Variants in NGLY1 observed in about 807,000 individuals in gnomAD.
NGLY1 encodes the protein N-glycanase 1.
NGLY1 carries 68 observed loss-of-function variants against 84.6 expected under a neutral mutation model. That is an observed-to-expected ratio of 0.80 (90% CI 0.66 to 0.98). The LOEUF is 0.98. NGLY1 is among the 50% of genes least tolerant of loss of function. The probability of loss-of-function intolerance (pLI) is 0.00; values close to 1 mark genes in which losing one functional copy is unlikely to be tolerated. For missense variants in NGLY1, 779 were observed against 770.2 expected, an observed-to-expected ratio of 1.01 and a Z score of -0.14; for synonymous variants, 280 against 275.2, an observed-to-expected ratio of 1.02 and a Z score of -0.17.
At chr3:25,739,270 A>G (rs1307769199) in intron 5 of NGLY1, among the ~76,000 whole-genome samples, 1 of 152,216 alleles carries the variant, frequency 6.6e-6, no homozygotes, top group African/African-American at 2.4e-5. Context: ...AATTTCCTAT[A>G]AAAGACAGAT....
chr3:25,736,542 A>G (rs775932701), intron 6 of NGLY1: 2 of 590,162 alleles, frequency 3.4e-6, no homozygotes, highest in Non-Finnish European at 6.0e-6. Flanking sequence ...GTCTAATAGA[A>G]TCTCTGGTCA....
At chr3:25,769,332 G>A (rs1327803619) in intron 2 of NGLY1, among the ~76,000 whole-genome samples, 1 of 152,126 alleles carries the variant, frequency 6.6e-6, no homozygotes, top group Non-Finnish European at 1.5e-5. Context: ...CTAGACTCCA[G>A]CCTGGGCAAC....
intron 9 of NGLY1, chr3:25,730,119 T>A (rs1705467211): frequency 6.6e-6 from 1 of 152,102 alleles, no homozygotes; most frequent in Admixed American, 6.6e-5. Context: ...AAGCTTGTAT[T>A]TTAACCTTAA....
chr3:25,750,995 C>T, intron 4 of NGLY1, 103 bp downstream of exon 4: 1 of 1,109,202 alleles, frequency 9.0e-7, no homozygotes, highest in South Asian at 1.6e-5. Context: ...TGGACCCATG[C>T]AGTTCAAACC....
chr3:25,727,752 C>G (rs1467428445), intron 10 of NGLY1, among the ~76,000 whole-genome samples: 1 of 152,156 alleles, frequency 6.6e-6, no homozygotes, highest in African/African-American at 2.4e-5. Context: ...AAGAAATACT[C>G]CATACAGTAG....
chr3:25,725,686 G>A (rs950422782), intron 10 of NGLY1, among the ~76,000 whole-genome samples: 13 of 152,104 alleles, frequency 8.5e-5, no homozygotes, highest in Non-Finnish European at 1.5e-4. Context: ...TGCTTATTTG[G>A]GGGAACCCAC....
intron 4 of NGLY1, among the ~76,000 whole-genome samples, chr3:25,741,757 G>A (rs1398815552): frequency 2.0e-5 from 3 of 152,080 alleles, no homozygotes; most frequent in African/African-American, 7.2e-5. Flanking sequence ...TTAGGAGGCT[G>A]AGGTGGGAGG....
At chr3:25,741,936 G>A (rs922620705) in intron 4 of NGLY1, among the ~76,000 whole-genome samples, 12 of 152,166 alleles carry the variant, frequency 7.9e-5, no homozygotes, top group African/African-American at 2.9e-4. Flanking sequence ...GGGAGGCGGA[G>A]GTTGCAGTGA....
At position 25,783,191 on chromosome 3, in the gene NGLY1, T is replaced by C. The variant is rs1708500463; in HGVS notation, c.131+69A>G. On this transcript the variant is annotated intron_variant, in intron 1 of 11. Coordinates refer to ENST00000280700, the MANE Select transcript of NGLY1 (RefSeq NM_018297.4). The surrounding 1 kb of genome is among the most constrained non-coding windows in gnomAD (Gnocchi z 4.5). The stretch of plus-strand genomic sequence containing the variant: ...CTGAAGCTCAGGCCGGACGCCCCAG[T>C]CCCTGGCCGAACAAGGTGCCGCGGC... The C allele has an allele frequency of 1.4e-6, 2 of 1,448,200 alleles. No individual in the cohort carries two copies. The highest frequency in any genetic ancestry group is 1.9e-6 in the Non-Finnish European group (2 of 1,041,952). 89.7% of individuals were successfully genotyped at this position (1,448,200 alleles called of 1,614,324 possible). A position where few individuals can be genotyped will look rare whatever the true frequency, so the allele number is the denominator to read the frequency against.
At chr3:25,761,462 T>C (rs1420800365) in intron 3 of NGLY1, among the ~76,000 whole-genome samples, 1 of 152,184 alleles carries the variant, frequency 6.6e-6, no homozygotes, top group Non-Finnish European at 1.5e-5. Context: ...ACCAGCAAGT[T>C]TGAAAATCAA....
chr3:25,763,176 T>C (rs975336140), intron 3 of NGLY1, among the ~76,000 whole-genome samples: 2 of 151,948 alleles, frequency 1.3e-5, no homozygotes, highest in African/African-American at 4.8e-5. Flanking sequence ...ATTAAGAAAA[T>C]GTGAATGGCT....
Position 25,737,381 on chromosome 3 carries a change from C to T in NGLY1, c.956G>A (p.Cys319Tyr). 1 of 1,613,924 alleles carries T rather than the reference C, an allele frequency of 6.2e-7. No homozygotes were observed. The highest frequency in any genetic ancestry group is 1.7e-5 in the Admixed American group (1 of 60,000). ...AGCTTCAAACCCTACAGCTCGGCAG[C>T]ACAGTGTAAAACAATTGGCCCACTC... is the stretch of plus-strand genomic sequence containing the variant. ...CGEWANCFTL[C>Y]CRAVGFEARY... The change falls in exon 6 of 12, where the codon TGC becomes TAC. Residue 319 changes from cysteine to tyrosine, a missense_variant. Transcript: ENST00000280700.
chr3:25,776,189 G>C (rs1418187314), intron 2 of NGLY1, among the ~76,000 whole-genome samples: 6 of 152,168 alleles, frequency 3.9e-5, no homozygotes, highest in Non-Finnish European at 8.8e-5. Context: ...GCACTGCAGT[G>C]ACCAACACTG....
chr3:25,730,697 T>G (rs1038353490), intron 9 of NGLY1: 1 of 152,126 alleles, frequency 6.6e-6, no homozygotes, highest in African/African-American at 2.4e-5. Flanking sequence ...CTACAGACGA[T>G]GGGATAAATT....
chr3:25,787,786 T>C (rs1708636703), upstream of NGLY1, among the ~76,000 whole-genome samples: 1 of 152,238 alleles, frequency 6.6e-6, no homozygotes, highest in African/African-American at 2.4e-5. Context: ...CCTGCCTTAC[T>C]CTCATGCGTT....
At chr3:25,761,763 C>T (rs1344142869) in intron 3 of NGLY1, among the ~76,000 whole-genome samples, 1 of 152,138 alleles carries the variant, frequency 6.6e-6, no homozygotes, top group African/African-American at 2.4e-5. Context: ...TGTGAATGTT[C>T]ACAGCAGCAT....
intron 10 of NGLY1, among the ~76,000 whole-genome samples, chr3:25,723,180 C>G (rs1705091823): frequency 6.6e-6 from 1 of 152,118 alleles, no homozygotes; most frequent in South Asian, 2.1e-4. Flanking sequence ...TGGGTCAGAA[C>G]TGTGGTTTTA....
intron 2 of NGLY1, 151 bp from the exon 3 acceptor site, chr3:25,764,462 A>C (rs1707464322): frequency 1.1e-6 from 1 of 873,150 alleles, no homozygotes; most frequent in Non-Finnish European, 1.7e-6. Context: ...GGTTCTTTTT[A>C]AATACAGCCT....
At chr3:25,732,583 C>T in intron 8 of NGLY1, 100 bp from the exon 9 acceptor site, 1 of 765,052 alleles carries the variant, frequency 1.3e-6, no homozygotes, top group Non-Finnish European at 2.0e-6. Flanking sequence ...TTTAAGAGGT[C>T]TTGAAACAAG....
Sources: gnomAD v4.1 joint callset for allele counts (sites outside exome capture counted in the v4.1 genomes callset) on GRCh38, gnomAD v4.1.1 for gene constraint, Gnocchi (gnomAD v3.1) non-coding constraint, MANE v1.5 for transcripts, NCBI Gene and HGNC (gene_info 2026-07-23, HGNC 2026-07-21) for gene names.